Variants in RIMS2 observed in about 807,000 individuals in gnomAD.
The protein encoded by RIMS2 is regulating synaptic membrane exocytosis protein 2.
A neutral mutation model predicts 174.4 loss-of-function variants in RIMS2; 59 were observed. The observed-to-expected ratio is 0.34, with a 90% confidence interval of 0.27 to 0.42. The LOEUF (loss-of-function observed/expected upper bound fraction) is 0.42. Ranked by LOEUF, RIMS2 falls within the 10% of genes least tolerant of loss-of-function variation. The probability of loss-of-function intolerance (pLI) is 1.00; values close to 1 mark genes in which losing one functional copy is unlikely to be tolerated. For missense variants in RIMS2, 1,620 were observed against 1,666.3 expected (o/e 0.97, Z 0.48); for synonymous variants, 606 against 572.5 (o/e 1.06, Z -0.84).
chr8:104,064,401 A>T (rs1248813669), intron 19 of RIMS2, among the ~76,000 whole-genome samples: 1 of 152,132 alleles, frequency 6.6e-6, no homozygotes, highest in Non-Finnish European at 1.5e-5. Context: ...GAACATCCAC[A>T]TATGCTGTCT....
At chr8:104,140,086 C>T (rs1240422571) in intron 19 of RIMS2, among the ~76,000 whole-genome samples, 3 of 152,094 alleles carry the variant, frequency 2.0e-5, no homozygotes, top group African/African-American at 7.2e-5. Flanking sequence ...ATATGTTGAA[C>T]CATCTTCGCA....
chr8:103,898,878 C>T (rs1345878668), intron 4 of RIMS2, among the ~76,000 whole-genome samples: 2 of 151,302 alleles, frequency 1.3e-5, no homozygotes, highest in Non-Finnish European at 2.9e-5. Flanking sequence ...CCCCACTCCC[C>T]CCACCCCACA....
chr8:104,079,424 G>A (rs937983671), intron 19 of RIMS2, among the ~76,000 whole-genome samples: 2 of 151,488 alleles, frequency 1.3e-5, no homozygotes, highest in African/African-American at 4.8e-5. Flanking sequence ...AGAGTTGCTA[G>A]CTTGTTAACA....
chr8:103,544,979 G>A (rs1047480195), intron 1 of RIMS2, among the ~76,000 whole-genome samples: 4 of 152,196 alleles, frequency 2.6e-5, no homozygotes, highest in African/African-American at 7.2e-5. Flanking sequence ...TACTCAAAAA[G>A]CCAGTGTCTT....
chr8:104,002,691 GA>G (rs1344334638), intron 17 of RIMS2, among the ~76,000 whole-genome samples: 1 of 152,130 alleles, frequency 6.6e-6, no homozygotes, highest in Admixed American at 6.6e-5. Flanking sequence ...AAATGAATGG[GA>G]TGAAGGTAGT....
intron 19 of RIMS2, among the ~76,000 whole-genome samples, chr8:104,082,718 T>A (rs1257346217): frequency 6.6e-6 from 1 of 151,996 alleles, no homozygotes; most frequent in Non-Finnish European, 1.5e-5. Context: ...TTTAAATACC[T>A]GTATTATTTT....
intron 19 of RIMS2, among the ~76,000 whole-genome samples, chr8:104,119,129 T>C (rs576087491): frequency 1.3e-5 from 2 of 150,336 alleles, no homozygotes; most frequent in African/African-American, 2.5e-5. Flanking sequence ...GGGCGGATCA[T>C]GAAGTCAAGA....
chr8:103,944,327 A>G (rs2083219658), intron 14 of RIMS2, among the ~76,000 whole-genome samples: 1 of 152,078 alleles, frequency 6.6e-6, no homozygotes, highest in Admixed American at 6.6e-5. Context: ...CATTGTATCT[A>G]TTCAGTACTT....
At chr8:103,908,596 A>T (rs2075011192) in intron 4 of RIMS2, among the ~76,000 whole-genome samples, 1 of 152,018 alleles carries the variant, frequency 6.6e-6, no homozygotes, top group Non-Finnish European at 1.5e-5. Flanking sequence ...TTTTTCTTCC[A>T]TTCAGTTATT....
At chr8:103,814,946 G>C (rs1185716183) in intron 3 of RIMS2, among the ~76,000 whole-genome samples, 1 of 152,104 alleles carries the variant, frequency 6.6e-6, no homozygotes, top group East Asian at 1.9e-4. Context: ...TTATTTACTT[G>C]AGCATTGCTA....
chr8:104,097,759 C>A (rs549306270), intron 19 of RIMS2, among the ~76,000 whole-genome samples: 1 of 152,154 alleles, frequency 6.6e-6, no homozygotes, highest in Non-Finnish European at 1.5e-5. Flanking sequence ...AATGCTCAAC[C>A]TATATATGAT....
At chr8:103,678,694 C>T (rs550854942) in intron 1 of RIMS2, among the ~76,000 whole-genome samples, 2 of 152,042 alleles carry the variant, frequency 1.3e-5, no homozygotes, top group South Asian at 2.1e-4. Context: ...TATATGAATA[C>T]GTTTGACAGC....
Position 103,857,104 on chromosome 8 carries a change from A to G in RIMS2, c.699-28194A>G, listed in dbSNP as rs985319231. ...AACCTGTCTTCTTTAAAGTGTGGTA[A>G]TAGCTGAGATACGGTGTTACATAAA... On this transcript the variant is annotated intron_variant, in intron 3 of 23. Transcript: ENST00000504942. 2.0e-5 allele frequency among the ~76,000 whole-genome samples: 3 copies of G among 152,174 alleles called. No homozygotes were observed. In the South Asian group the frequency reaches 6.2e-4, roughly 32 times the overall value.
At chr8:103,867,943 C>A (rs2099091486) in intron 3 of RIMS2, among the ~76,000 whole-genome samples, 1 of 151,894 alleles carries the variant, frequency 6.6e-6, no homozygotes, top group Admixed American at 6.6e-5. Flanking sequence ...GGTATTATGT[C>A]TTTCTAATAA....
At chr8:103,699,516 C>A (rs1213039335) in intron 2 of RIMS2, among the ~76,000 whole-genome samples, 1 of 152,192 alleles carries the variant, frequency 6.6e-6, no homozygotes, top group Non-Finnish European at 1.5e-5. Flanking sequence ...AGGTGTGAGC[C>A]ACCACGTCTG....
At chr8:103,549,186 A>G (rs1563735058) in intron 1 of RIMS2, among the ~76,000 whole-genome samples, 1 of 152,132 alleles carries the variant, frequency 6.6e-6, no homozygotes, top group East Asian at 1.9e-4. Flanking sequence ...ACCAAAGTTG[A>G]ACTGAAGGAA....
intron 19 of RIMS2, among the ~76,000 whole-genome samples, chr8:104,115,855 C>T (rs1311893669): frequency 6.6e-6 from 1 of 152,158 alleles, no homozygotes; most frequent in Admixed American, 6.5e-5. Flanking sequence ...ATTGACAGAT[C>T]TGCTGTTTCA....
At chr8:103,902,602 C>CA (rs1208215721) in intron 4 of RIMS2, among the ~76,000 whole-genome samples, 2 of 151,994 alleles carry the variant, frequency 1.3e-5, no homozygotes, top group Non-Finnish European at 2.9e-5. Context: ...TTTACTAGAA[C>CA]ATTTTCTTTG....
At chr8:103,551,211 G>T (rs34579655) in intron 1 of RIMS2, among the ~76,000 whole-genome samples, 27,682 of 152,060 alleles carry the variant, frequency 0.18, 2,765 homozygotes, top group African/African-American at 0.26. Flanking sequence ...TACAATACTG[G>T]CAAACTGAAT....
Sources: allele counts gnomAD v4.1 joint callset (sites outside exome capture counted in the v4.1 genomes callset), GRCh38; gene constraint gnomAD v4.1.1; transcripts MANE v1.5; gene names NCBI Gene and HGNC (gene_info 2026-07-23, HGNC 2026-07-21).